Variants in C19orf47 observed in about 807,000 individuals in gnomAD.
C19orf47 encodes the protein uncharacterized protein C19orf47.
C19orf47 carries 18 observed loss-of-function variants against 32.3 expected under a neutral mutation model. That is an observed-to-expected ratio of 0.56 (90% CI 0.39 to 0.83). C19orf47 has a LOEUF of 0.83. C19orf47 is among the 40% of genes least tolerant of loss of function. The pLI is 0.00. For synonymous variants in C19orf47, 202 were observed against 211.1 expected (o/e 0.96, Z 0.37); for missense variants, 484 against 531.6 (o/e 0.91, Z 0.88).
chr19:40,341,321 C>T (rs1207594580), intron 2 of C19orf47, among the ~76,000 whole-genome samples: 2 of 151,746 alleles, frequency 1.3e-5, no homozygotes, highest in Non-Finnish European at 1.5e-5. Flanking sequence ...GCAACAAGAG[C>T]GAAACTCCAT....
intron 8 of C19orf47, among the ~76,000 whole-genome samples, chr19:40,322,593 GC>G (rs79222109): frequency 0.38 from 58,517 of 152,138 alleles, 12,865 homozygotes; most frequent in South Asian, 0.61. Flanking sequence ...CAGGGAGGGC[GC>G]CCTGAGAGGG....
chr19:40,345,676 T>C (rs1017216700), intron 1 of C19orf47, among the ~76,000 whole-genome samples: 3 of 148,950 alleles, frequency 2.0e-5, no homozygotes, highest in African/African-American at 7.5e-5. Flanking sequence ...ACCCCATCTC[T>C]ACTAAAAATA....
chr19:40,313,679 T>C, the C19orf47 span, among the ~76,000 whole-genome samples: 1 of 152,136 alleles, frequency 6.6e-6, no homozygotes, highest in South Asian at 2.1e-4. Flanking sequence ...TAAGGCTTCA[T>C]TTTCTAAAAG....
rs1265168199 is a variant in C19orf47 at position 40,321,822 on chromosome 19, C to T, written c.*60G>A. On this transcript the variant is annotated 3_prime_UTR_variant, in exon 9 of 9. Transcript: ENST00000683109. Reference sequence around the variant, plus strand: ...TGGGAGGCGTGATGAAGCCAGGAGCCTGGGGCGGCCAGGGCAGATGCCCGC... The same window carrying T: ...TGGGAGGCGTGATGAAGCCAGGAGCTTGGGGCGGCCAGGGCAGATGCCCGC... The T allele has an allele frequency of 2.7e-6, 4 of 1,462,454 alleles. 1 individual carries two copies. The highest frequency in any genetic ancestry group is 2.9e-5 in the South Asian group (2 of 69,638). The allele number at this position is 1,462,454 out of a possible 1,614,324, so 90.6% of individuals were successfully genotyped here. A position where few individuals can be genotyped will look rare whatever the true frequency, so the allele number is the denominator to read the frequency against.
At chr19:40,303,606 C>A in the C19orf47 span, among the ~76,000 whole-genome samples, 4 of 151,360 alleles carry the variant, frequency 2.6e-5, no homozygotes, top group African/African-American at 9.7e-5. Context: ...TCATCGAGAC[C>A]ATCCTGGCTA....
At position 40,321,478 on chromosome 19, in the gene C19orf47, C is replaced by T. The variant is rs2145504310; in HGVS notation, c.*404G>A. The T allele has an allele frequency of 2.0e-6, 2 of 1,014,210 alleles. No homozygotes were observed. The highest frequency in any genetic ancestry group is 2.4e-6 in the Non-Finnish European group (2 of 847,642). 62.8% of individuals were successfully genotyped at this position (1,014,210 alleles called of 1,614,324 possible). On this transcript the variant is annotated 3_prime_UTR_variant, in exon 9 of 9. Coordinates refer to ENST00000683109, the MANE Select transcript of C19orf47 (RefSeq NM_001256441.2). ...AGTGGGGAGTGGGGGAAGGGAGGCC[C>T]ACCAGGTGACACCCACTTAGTTGAG...
At chr19:40,297,701 G>GAA in the C19orf47 span, among the ~76,000 whole-genome samples, 360 of 110,628 alleles carry the variant, frequency 3.3e-3, 2 homozygotes, top group African/African-American at 5.1e-3. Context: ...CTCCGTCTCG[G>GAA]AAAAAAAAAA....
chr19:40,319,115 T>C (rs945057446), downstream of C19orf47, among the ~76,000 whole-genome samples: 2 of 151,586 alleles, frequency 1.3e-5, no homozygotes, highest in Admixed American at 6.6e-5. Context: ...ACTAAAAATA[T>C]GAAAATTAGC....
At chr19:40,293,395 C>T in the C19orf47 span, among the ~76,000 whole-genome samples, 1 of 152,066 alleles carries the variant, frequency 6.6e-6, no homozygotes, top group Non-Finnish European at 1.5e-5. Context: ...ATCCGCCCGC[C>T]TCAGCCTCCC....
chr19:40,307,731 T>C, the C19orf47 span, among the ~76,000 whole-genome samples: 31 of 152,174 alleles, frequency 2.0e-4, no homozygotes, highest in African/African-American at 7.2e-4. Flanking sequence ...ACTAATCGAC[T>C]CATTTAATCC....
chr19:40,345,617 G>A (rs541158901), intron 1 of C19orf47, among the ~76,000 whole-genome samples: 1 of 151,372 alleles, frequency 6.6e-6, no homozygotes, highest in African/African-American at 2.4e-5. Context: ...TGAGGCGGGT[G>A]GATCACCTGA....
chr19:40,306,333 CA>C, the C19orf47 span, among the ~76,000 whole-genome samples: 1 of 151,358 alleles, frequency 6.6e-6, no homozygotes, highest in Non-Finnish European at 1.5e-5. Context: ...AACAGTAAGA[CA>C]AATGGAACAA....
At chr19:40,335,980 A>G (rs2078056697) in intron 4 of C19orf47, 130 bp downstream of exon 4, 2 of 741,322 alleles carry the variant, frequency 2.7e-6, no homozygotes, top group Non-Finnish European at 4.5e-6. Context: ...AGCGTCACAC[A>G]GCAAATGGCT....
At chr19:40,300,969 T>C in the C19orf47 span, among the ~76,000 whole-genome samples, 5 of 152,020 alleles carry the variant, frequency 3.3e-5, no homozygotes, top group South Asian at 2.1e-4. Context: ...CTGGCCAACA[T>C]AGAGAATCCC....
intron 2 of C19orf47, among the ~76,000 whole-genome samples, chr19:40,339,813 A>G (rs1187408680): frequency 6.6e-6 from 1 of 151,970 alleles, no homozygotes; most frequent in Non-Finnish European, 1.5e-5. Context: ...CTCTACTAAA[A>G]ATACAAAATT....
chr19:40,302,091 G>A, the C19orf47 span, among the ~76,000 whole-genome samples: 19 of 151,934 alleles, frequency 1.3e-4, no homozygotes, highest in African/African-American at 4.6e-4. Context: ...AACCCGGGAG[G>A]CAGAGGTTGC....
chr19:40,306,106 G>T, the C19orf47 span, among the ~76,000 whole-genome samples: 1 of 134,160 alleles, frequency 7.5e-6, no homozygotes, highest in Non-Finnish European at 1.5e-5. Context: ...AGCCAAGATC[G>T]CACCATTGCA....
chr19:40,316,302 A>C (rs1407364190), downstream of C19orf47, among the ~76,000 whole-genome samples: 1 of 152,202 alleles, frequency 6.6e-6, no homozygotes, highest in Non-Finnish European at 1.5e-5. Context: ...GATGTGGGCT[A>C]CCAGAGGAAG....
chr19:40,322,092 G>A lies in C19orf47; in HGVS notation c.948C>T (p.Ile316=). Residue 316 remains isoleucine (I), a synonymous_variant, in exon 9 of 9, where the codon ATC becomes ATT. Transcript: ENST00000683109. The part of the protein sequence containing the change: ...KPESLSKVSI[I]KRLGAAALVP... Reference sequence around the variant, plus strand: ...CAAGGGCAGCTGCGCCCAGTCTCTTGATGATGCTGACTTTAGACAAGGACT... The same window carrying A: ...CAAGGGCAGCTGCGCCCAGTCTCTTAATGATGCTGACTTTAGACAAGGACT... 6.2e-7 allele frequency: 1 copy of A among 1,614,208 alleles called. No individual in the cohort carries two copies. Among genetic ancestry groups the A allele is most frequent in the Non-Finnish European group, 8.5e-7 (1 of 1,180,034 alleles).
Sources: gnomAD v4.1 joint callset for allele counts (sites outside exome capture counted in the v4.1 genomes callset) on GRCh38, gnomAD v4.1.1 for gene constraint, MANE v1.5 for transcripts, NCBI Gene and HGNC (gene_info 2026-07-23, HGNC 2026-07-21) for gene names.